Variants in RERG observed in about 807,000 individuals in gnomAD.
The protein encoded by RERG is RAS like estrogen regulated growth inhibitor.
RERG carries 25 observed loss-of-function variants against 23.2 expected under a neutral mutation model. The observed-to-expected ratio is 1.08, with a 90% CI of 0.79 to 1.50. The LOEUF (loss-of-function observed/expected upper bound fraction) is 1.50, where lower values mean the gene tolerates loss of function less well. RERG is among the 40% of genes most tolerant of loss of function. The pLI, the probability that RERG is intolerant of heterozygous loss-of-function variation, is 0.00. For missense variants in RERG, 253 were observed against 250.1 expected, an observed-to-expected ratio of 1.01 and a Z score of -0.08; for synonymous variants, 81 against 89.1, an observed-to-expected ratio of 0.91 and a Z score of 0.51.
chr12:15,124,198 A>G (rs569353349), intron 2 of RERG, among the ~76,000 whole-genome samples: 1 of 152,328 alleles, frequency 6.6e-6, no homozygotes, highest in South Asian at 2.1e-4. Context: ...AAGAGCTAAA[A>G]GGTAAAACCA....
Position 15,109,033 on chromosome 12 carries a change from T to G in RERG, c.*77A>C. ...CTCAGAATCCAAACAAAGAATGCAA[T>G]ATTTTGTTTTATTTTTGAAAGGGGA... On this transcript the variant is annotated 3_prime_UTR_variant, in exon 5 of 5. Transcript: ENST00000256953. 1 of 1,301,262 alleles carries G rather than the reference T, an allele frequency of 7.7e-7. No individual in the cohort carries two copies. Among genetic ancestry groups the G allele is most frequent in the Non-Finnish European group, 1.1e-6 (1 of 947,826 alleles). 80.6% of individuals were successfully genotyped at this position (1,301,262 alleles called of 1,614,324 possible).
In RERG at chr12:15,116,405, G is replaced by A. The variant is rs150608879; in HGVS notation, c.118+4658C>T. On this transcript the variant is annotated intron_variant, in intron 3 of 4. Transcript: ENST00000256953. ...GGACATTTTTCTGTGTTGCTTCCAT[G>A]ATAAATAGGGTATGTATTTCAATTA... Among the ~76,000 whole-genome samples the A allele has an allele frequency of 6.7e-4, 102 of 152,316 alleles. 2 individuals are homozygous for A. Among genetic ancestry groups the A allele is most frequent in the African/African-American group, 2.2e-3 (93 of 41,564 alleles).
intron 2 of RERG, among the ~76,000 whole-genome samples, chr12:15,204,497 A>G (rs1865258456): frequency 6.6e-6 from 1 of 151,868 alleles, no homozygotes; most frequent in African/African-American, 2.4e-5. Context: ...GAAAAGCTTC[A>G]TGACACTGGT....
intron 2 of RERG, among the ~76,000 whole-genome samples, chr12:15,165,304 C>T (rs1306097603): frequency 6.6e-6 from 1 of 152,154 alleles, no homozygotes; most frequent in East Asian, 1.9e-4. Flanking sequence ...GTACCAAACA[C>T]TTCTTCTAGC....
chr12:15,198,121 A>C (rs138529846), intron 2 of RERG, among the ~76,000 whole-genome samples: 1,573 of 152,014 alleles, frequency 0.01, 27 homozygotes, highest in African/African-American at 0.036. Context: ...CTCTGGCTCT[A>C]TTTCCTTTTC....
At chr12:15,134,710 G>A (rs1179177115) in intron 2 of RERG, among the ~76,000 whole-genome samples, 3 of 152,084 alleles carry the variant, frequency 2.0e-5, no homozygotes, top group Admixed American at 6.6e-5. Context: ...CACCTCCTGG[G>A]TTCAAGCAAT....
intron 2 of RERG, among the ~76,000 whole-genome samples, chr12:15,129,824 C>T (rs1018330679): frequency 1.3e-5 from 2 of 152,052 alleles, no homozygotes; most frequent in Non-Finnish European, 2.9e-5. Context: ...TTGGATTTTA[C>T]TCTGAAGTTT....
At chr12:15,144,687 G>A (rs1474672343) in intron 2 of RERG, among the ~76,000 whole-genome samples, 1 of 152,114 alleles carries the variant, frequency 6.6e-6, no homozygotes, top group Non-Finnish European at 1.5e-5. Flanking sequence ...AGGGAGGGGT[G>A]GCAATGCAGA....
intron 2 of RERG, among the ~76,000 whole-genome samples, chr12:15,207,359 A>G (rs551433099): frequency 1.3e-5 from 2 of 152,256 alleles, no homozygotes; most frequent in African/African-American, 4.8e-5. Flanking sequence ...GAAAATGAAC[A>G]TCTATACCTG....
At position 15,213,003 on chromosome 12, in the gene RERG, GT is replaced by G. The variant is rs1441123478; in HGVS notation, c.61+4425del. On this transcript the variant is annotated intron_variant, in intron 2 of 4. Coordinates refer to ENST00000256953, the MANE Select transcript of RERG (RefSeq NM_032918.3). ...AAAAAAATATCACAAGCTTGTTTGT[GT>G]TTGGCATCCAGTTTATAGCTTGGCA... Among the ~76,000 whole-genome samples the G allele has an allele frequency of 2.6e-5, 4 of 152,328 alleles. No homozygotes were observed. The East Asian group carries it at 7.7e-4, about 29-fold the overall frequency.
intron 2 of RERG, among the ~76,000 whole-genome samples, chr12:15,210,878 C>T (rs996727553): frequency 1.3e-5 from 2 of 152,098 alleles, no homozygotes; most frequent in African/African-American, 4.8e-5. Context: ...TATTTTAGGA[C>T]AACAAAAAGG....
intron 2 of RERG, among the ~76,000 whole-genome samples, chr12:15,163,208 A>G (rs183428567): frequency 6.6e-5 from 10 of 152,332 alleles, no homozygotes; most frequent in Admixed American, 2.6e-4. Flanking sequence ...CTGATATTGA[A>G]AAAAGAGAAA....
At chr12:15,175,186 C>T (rs1293199226) in intron 2 of RERG, among the ~76,000 whole-genome samples, 2 of 146,866 alleles carry the variant, frequency 1.4e-5, no homozygotes, top group African/African-American at 2.6e-5. Flanking sequence ...TGTTTTGTAA[C>T]TTTCCTAAGC....
At chr12:15,126,821 C>T (rs944695919) in intron 2 of RERG, among the ~76,000 whole-genome samples, 11 of 149,924 alleles carry the variant, frequency 7.3e-5, no homozygotes, top group African/African-American at 2.7e-4. Context: ...GGGTTCATGC[C>T]ATTCTCCTGC....
intron 2 of RERG, among the ~76,000 whole-genome samples, chr12:15,175,159 TTTG>T (rs1293715769): frequency 1.3e-5 from 2 of 149,772 alleles, no homozygotes; most frequent in East Asian, 3.9e-4. Context: ...TTTTGTTGTA[TTTG>T]TTGTTTTTTT....
At chr12:15,136,517 T>C (rs1864147356) in intron 2 of RERG, among the ~76,000 whole-genome samples, 1 of 152,066 alleles carries the variant, frequency 6.6e-6, no homozygotes, top group Non-Finnish European at 1.5e-5. Flanking sequence ...CTTTATTCCC[T>C]TTTAATACAT....
chr12:15,134,539 C>G (rs1864110728), intron 2 of RERG, among the ~76,000 whole-genome samples: 1 of 152,070 alleles, frequency 6.6e-6, no homozygotes, highest in Non-Finnish European at 1.5e-5. Context: ...AGTCAGTCCT[C>G]TGAATGTCCT....
chr12:15,111,172 A>T lies in RERG; in HGVS notation c.192+172T>A, dbSNP rs142856470. On this transcript the variant is annotated intron_variant, in intron 4 of 4. Transcript: ENST00000256953. Reference sequence around the variant, plus strand: ...ACACTGGGCAGTTTATATAAGGATGAATATACAGATATTTACAAATATGTT... The same window carrying T: ...ACACTGGGCAGTTTATATAAGGATGTATATACAGATATTTACAAATATGTT... 1.1e-4 allele frequency: 62 copies of T among 540,414 alleles called. No individual in the cohort carries two copies. The East Asian group carries it at 1.8e-3, about 16-fold the overall frequency. 33.5% of individuals were successfully genotyped at this position (540,414 alleles called of 1,614,324 possible).
intron 2 of RERG, among the ~76,000 whole-genome samples, chr12:15,163,723 G>A (rs899942004): frequency 6.6e-6 from 1 of 152,226 alleles, no homozygotes; most frequent in African/African-American, 2.4e-5. Context: ...AACAACAGGA[G>A]GAAATGGGTA....
Sources: allele counts gnomAD v4.1 joint callset (sites outside exome capture counted in the v4.1 genomes callset), GRCh38; gene constraint gnomAD v4.1.1; transcripts MANE v1.5; gene names NCBI Gene and HGNC (gene_info 2026-07-23, HGNC 2026-07-21).